Variants in COL19A1 observed in about 807,000 individuals in gnomAD.
COL19A1 encodes the protein collagen alpha-1(XIX) chain.
In COL19A1, 159 loss-of-function variants were observed where a neutral mutation model predicts 190.2. The observed-to-expected ratio is 0.84, with a 90% CI of 0.73 to 0.95. The LOEUF (loss-of-function observed/expected upper bound fraction) is 0.95. COL19A1 is among the 40% of genes least tolerant of loss of function. The pLI, the probability that COL19A1 is intolerant of heterozygous loss-of-function variation, is 0.00. For missense variants in COL19A1, 1,418 were observed against 1,431.9 expected (o/e 0.99, Z 0.16); for synonymous variants, 509 against 458.9 (o/e 1.11, Z -1.39).
chr6:70,068,530 TGG>T, intron 15 of COL19A1, 54 bp downstream of exon 15: 1 of 1,160,256 alleles, frequency 8.6e-7, no homozygotes, highest in East Asian at 2.4e-5. Flanking sequence ...GATACTTATT[TGG>T]GAACACTAAT....
At chr6:70,159,797 G>A (rs533368133) in intron 34 of COL19A1, among the ~76,000 whole-genome samples, 1 of 152,034 alleles carries the variant, frequency 6.6e-6, no homozygotes, top group Non-Finnish European at 1.5e-5. Context: ...AATAGTAAAA[G>A]GTAAAGGAAT....
chr6:70,121,956 T>A lies in COL19A1; in HGVS notation c.1341+14T>A, dbSNP rs773677013. The A allele has an allele frequency of 6.6e-7, 1 of 1,505,432 alleles. No individual in the cohort carries two copies. Among genetic ancestry groups the A allele is most frequent in the East Asian group, 2.3e-5 (1 of 43,180 alleles). 93.3% of individuals were successfully genotyped at this position (1,505,432 alleles called of 1,614,324 possible). On this transcript the variant is annotated intron_variant, in intron 17 of 50. Transcript: ENST00000620364. ...AAGGATAACAAGGTATGGCTTCTTT[T>A]TTCCCATAATTTATAATACATAGAA...
At chr6:69,973,491 C>G (rs575607239) in intron 11 of COL19A1, among the ~76,000 whole-genome samples, 5 of 152,212 alleles carry the variant, frequency 3.3e-5, no homozygotes, top group Admixed American at 2.6e-4. Flanking sequence ...TAGGCAGTCC[C>G]TCACCACGAC....
chr6:69,987,138 C>A (rs547012086), intron 11 of COL19A1, among the ~76,000 whole-genome samples: 29 of 152,218 alleles, frequency 1.9e-4, no homozygotes, highest in Admixed American at 1.2e-3. Context: ...CCAAAGGTGT[C>A]CACTCAAGGC....
At chr6:70,146,948 T>C in intron 27 of COL19A1, 59 bp downstream of exon 27, 1 of 1,434,096 alleles carries the variant, frequency 7.0e-7, no homozygotes. Context: ...AAATCCAGTG[T>C]CAAATTTTAA....
At chr6:69,959,172 C>T (rs1417237870) in intron 9 of COL19A1, among the ~76,000 whole-genome samples, 2 of 152,046 alleles carry the variant, frequency 1.3e-5, no homozygotes, top group Non-Finnish European at 2.9e-5. Context: ...AAGAGATGAC[C>T]CCAGAATTCC....
At chr6:69,895,880 A>C (rs1395952035) in intron 2 of COL19A1, among the ~76,000 whole-genome samples, 1 of 152,148 alleles carries the variant, frequency 6.6e-6, no homozygotes, top group Admixed American at 6.5e-5. Flanking sequence ...CTTGTTGATA[A>C]ACATTTTGGT....
chr6:69,896,864 A>G (rs1769811166), intron 2 of COL19A1, among the ~76,000 whole-genome samples: 1 of 152,104 alleles, frequency 6.6e-6, no homozygotes, highest in African/African-American at 2.4e-5. Flanking sequence ...GATTTCTGAG[A>G]GTTCATTGTA....
chr6:70,074,129 C>T (rs1781719438), intron 15 of COL19A1, among the ~76,000 whole-genome samples: 1 of 152,122 alleles, frequency 6.6e-6, no homozygotes, highest in Admixed American at 6.6e-5. Context: ...TAGCCATGCT[C>T]TATGAAAACT....
chr6:70,111,025 G>A (rs983938768), intron 16 of COL19A1, among the ~76,000 whole-genome samples: 4 of 152,132 alleles, frequency 2.6e-5, no homozygotes, highest in Non-Finnish European at 5.9e-5. Context: ...AGAAGTCAAA[G>A]GCCAGTCAGA....
At chr6:70,180,559 G>A (rs755835844) in intron 44 of COL19A1, 36 bp downstream of exon 44, 23 of 1,599,684 alleles carry the variant, frequency 1.4e-5, no homozygotes, top group Middle Eastern at 1.7e-4. Flanking sequence ...ATGCCACCTA[G>A]AGAAATGCTC....
chr6:69,952,480 T>C (rs986711628), intron 9 of COL19A1, among the ~76,000 whole-genome samples: 1 of 149,632 alleles, frequency 6.7e-6, no homozygotes, highest in African/African-American at 2.5e-5. Flanking sequence ...ACCATGGCTT[T>C]ATAAAAATAT....
intron 40 of COL19A1, among the ~76,000 whole-genome samples, chr6:70,170,687 C>T (rs1412987608): frequency 6.6e-6 from 1 of 151,902 alleles, no homozygotes; most frequent in Non-Finnish European, 1.5e-5. Flanking sequence ...TTATGCAGAA[C>T]AGAATCTGAA....
In COL19A1 at chr6:70,123,108, T is replaced by C. The variant is rs935260433; in HGVS notation, c.1341+1166T>C. 7.2e-5 allele frequency among the ~76,000 whole-genome samples: 11 copies of C among 151,846 alleles called. No homozygotes were observed. In the South Asian group the frequency reaches 1.0e-3, roughly 14 times the overall value. On this transcript the variant is annotated intron_variant, in intron 17 of 50. Coordinates refer to ENST00000620364, the MANE Select transcript of COL19A1 (RefSeq NM_001858.6). The stretch of plus-strand genomic sequence containing the variant: ...TCTACAATGAACTCAAACAAATTTA[T>C]AAGAAAAAAACAAACAACCCCATCA...
intron 11 of COL19A1, 65 bp from the exon 12 acceptor site, chr6:70,023,560 CTT>C (rs1385001406): frequency 7.4e-7 from 1 of 1,353,490 alleles, no homozygotes; most frequent in East Asian, 2.4e-5. Context: ...ACCAACATAA[CTT>C]TATTTTTTGC....
At chr6:69,892,007 A>T (rs1019202329) in intron 2 of COL19A1, among the ~76,000 whole-genome samples, 3 of 152,200 alleles carry the variant, frequency 2.0e-5, no homozygotes, top group Non-Finnish European at 4.4e-5. Flanking sequence ...ATGCTAAGTT[A>T]AAACTGTGGA....
intron 11 of COL19A1, among the ~76,000 whole-genome samples, chr6:69,970,134 A>G (rs1235268285): frequency 6.6e-6 from 1 of 152,190 alleles, no homozygotes; most frequent in Non-Finnish European, 1.5e-5. Flanking sequence ...GAGAGGTGAA[A>G]AAAGGGGCCA....
intron 41 of COL19A1, among the ~76,000 whole-genome samples, chr6:70,173,884 G>A (rs1422155816): frequency 1.3e-5 from 2 of 152,172 alleles, no homozygotes; most frequent in African/African-American, 4.8e-5. Flanking sequence ...TAGAGAGGGG[G>A]AAGATGGGGA....
In COL19A1 at chr6:70,176,664, A is replaced by G. The variant is rs1765827863; in HGVS notation, c.2667+100A>G. 27 of 1,075,934 alleles carry G rather than the reference A, an allele frequency of 2.5e-5. No homozygotes were observed. The South Asian group carries it at 4.9e-4, about 20-fold the overall frequency. The allele number at this position is 1,075,934 out of a possible 1,614,324, so 66.6% of individuals were successfully genotyped here. ...CAAGACAGGCAGGAGAGCATACCAT[A>G]ACTCCCATGGCATTAGGTTCCTGAC... On this transcript the variant is annotated intron_variant, in intron 42 of 50. Coordinates refer to ENST00000620364, the MANE Select transcript of COL19A1 (RefSeq NM_001858.6).
Sources: allele counts gnomAD v4.1 joint callset (sites outside exome capture counted in the v4.1 genomes callset), GRCh38; gene constraint gnomAD v4.1.1; transcripts MANE v1.5; gene names NCBI Gene and HGNC (gene_info 2026-07-23, HGNC 2026-07-21).